ULK2: variants seen among roughly 807,000 people sequenced by gnomAD.
ULK2 encodes the protein unc-51 like autophagy activating kinase 2.
ULK2 carries 76 observed loss-of-function variants against 127.5 expected under a neutral mutation model. The observed-to-expected ratio is 0.60, with a 90% CI of 0.50 to 0.72. The LOEUF (loss-of-function observed/expected upper bound fraction) is 0.72, where lower values mean the gene tolerates loss of function less well. ULK2 is among the 30% of genes least tolerant of loss of function. The pLI is 0.00. For missense variants in ULK2, 1,144 were observed against 1,295.9 expected (o/e 0.88, Z 1.80); for synonymous variants, 452 against 461.9 (o/e 0.98, Z 0.28).
At position 19,775,724 on chromosome 17, in the gene ULK2, A is replaced by T. The variant is rs956699644; in HGVS notation, c.*625T>A. On this transcript the variant is annotated 3_prime_UTR_variant, in exon 27 of 27. Coordinates refer to ENST00000395544, the MANE Select transcript of ULK2 (RefSeq NM_014683.4). ...CATTGTGCCTTAGTTAAATTACAAA[A>T]TCCAATACACAGTTGTTTTAATAAA... 1 of 152,662 alleles carries T rather than the reference A, an allele frequency of 6.6e-6. No homozygotes were observed. The highest frequency in any genetic ancestry group is 1.5e-5 in the Non-Finnish European group (1 of 68,042). 9.5% of individuals were successfully genotyped at this position (152,662 alleles called of 1,614,324 possible).
intron 10 of ULK2, among the ~76,000 whole-genome samples, chr17:19,828,051 A>C (rs751464042): frequency 1.3e-5 from 2 of 152,232 alleles, no homozygotes; most frequent in African/African-American, 4.8e-5. Flanking sequence ...GGGATCCTTA[A>C]TAAGAATATC....
Position 19,846,113 on chromosome 17 carries a change from G to A in ULK2, c.469+624C>T, listed in dbSNP as rs146121705. ...AGCACTCCAGCCTGGGTGACAGAGC[G>A]AGACTCCATCTCAGACAAACAAACA... On this transcript the variant is annotated intron_variant, in intron 6 of 26. Coordinates refer to ENST00000395544, the MANE Select transcript of ULK2 (RefSeq NM_014683.4). Among the ~76,000 whole-genome samples, 735 of 152,244 alleles carry A rather than the reference G, an allele frequency of 4.8e-3. 25 individuals are homozygous for A. The East Asian group carries it at 0.088, about 18-fold the overall frequency.
intron 12 of ULK2, among the ~76,000 whole-genome samples, chr17:19,818,215 C>CG (rs1257656430): frequency 2.0e-5 from 3 of 150,688 alleles, no homozygotes; most frequent in Admixed American, 1.3e-4. Context: ...CCCAGCTACT[C>CG]GGGGGGTTGA....
At chr17:19,791,224 T>C (rs1490218708) in intron 20 of ULK2, among the ~76,000 whole-genome samples, 1 of 152,242 alleles carries the variant, frequency 6.6e-6, no homozygotes, top group Non-Finnish European at 1.5e-5. Context: ...CATTCTCATA[T>C]GTTATGTCAC....
intron 10 of ULK2, among the ~76,000 whole-genome samples, chr17:19,837,999 T>C (rs2041638746): frequency 6.6e-6 from 1 of 152,202 alleles, no homozygotes; most frequent in South Asian, 2.1e-4. Context: ...GGCCTTCTAG[T>C]TGTTCCTCAA....
At chr17:19,844,139 T>G (rs2041827400) in intron 7 of ULK2, among the ~76,000 whole-genome samples, 1 of 152,208 alleles carries the variant, frequency 6.6e-6, no homozygotes, top group South Asian at 2.1e-4. Context: ...AAAATTGTCC[T>G]AAAAGCAAAA....
intron 20 of ULK2, among the ~76,000 whole-genome samples, chr17:19,788,009 G>A (rs889986341): frequency 6.6e-6 from 1 of 152,190 alleles, no homozygotes; most frequent in Non-Finnish European, 1.5e-5. Flanking sequence ...GTCCGCCCAC[G>A]GAGGGAGCAT....
intron 5 of ULK2, 128 bp from the exon 6 acceptor site, chr17:19,847,038 T>C (rs281350): frequency 0.047 from 40,719 of 858,324 alleles, 1,766 homozygotes; most frequent in East Asian, 0.18. Flanking sequence ...CACATTTATT[T>C]ATTTTTTTAA....
At chr17:19,799,160 CAAAA>C (rs899604997) in intron 17 of ULK2, among the ~76,000 whole-genome samples, 2 of 68,624 alleles carry the variant, frequency 2.9e-5, no homozygotes, top group African/African-American at 5.4e-5. Context: ...GACTCCATTT[CAAAA>C]AAAAAAAAAA....
intron 6 of ULK2, among the ~76,000 whole-genome samples, chr17:19,845,989 A>G (rs958743881): frequency 1.3e-5 from 2 of 151,974 alleles, no homozygotes; most frequent in Non-Finnish European, 2.9e-5. Context: ...GTGGTGGCAC[A>G]TGCCAGCTAC....
chr17:19,790,945 G>A (rs1459291513), intron 20 of ULK2, among the ~76,000 whole-genome samples: 3 of 152,114 alleles, frequency 2.0e-5, no homozygotes, highest in Non-Finnish European at 4.4e-5. Flanking sequence ...GGGTCAATTC[G>A]GCAAGAGGAT....
In ULK2 at chr17:19,781,082, A is replaced by G. The variant is rs139410624; in HGVS notation, c.2662T>C (p.Tyr888His). The G allele has an allele frequency of 8.9e-5, 144 of 1,613,530 alleles. No homozygotes were observed. The highest frequency in any genetic ancestry group is 8.3e-4 in the Middle Eastern group (5 of 6,040). ...GCAAGCAGCTGTGCTGCTTTCATGTACAACACCAGCTGCTCCACCCGCCTG... is the reference window on the plus strand; with the variant it reads ...GCAAGCAGCTGTGCTGCTTTCATGTGCAACACCAGCTGCTCCACCCGCCTG... ...DWGRVEQLVL[Y>H]MKAAQLLAAS... The change falls in exon 24 of 27, where the codon TAC becomes CAC. Residue 888 changes from tyrosine (Y) to histidine (H), a missense_variant. Around this residue, in one of 2 missense-constraint regions of ULK2, gnomAD observed 913 missense variants for 970.5 expected, o/e 0.94. Transcript: ENST00000395544.
intron 12 of ULK2, among the ~76,000 whole-genome samples, chr17:19,819,797 T>C (rs2041090672): frequency 6.6e-6 from 1 of 152,196 alleles, no homozygotes; most frequent in Non-Finnish European, 1.5e-5. Flanking sequence ...TTCTCTTACC[T>C]GGCTCTTCTC....
chr17:19,840,875 C>A (rs188708024), intron 9 of ULK2, among the ~76,000 whole-genome samples: 1 of 151,648 alleles, frequency 6.6e-6, no homozygotes, highest in Admixed American at 6.6e-5. Context: ...GGTGACAGAG[C>A]AAGACTCTGT....
At chr17:19,784,106 TTA>T (rs1175980673) in intron 21 of ULK2, 4 of 413,964 alleles carry the variant, frequency 9.7e-6, no homozygotes, top group Non-Finnish European at 4.1e-6. Flanking sequence ...TCTATATATT[TTA>T]TATTAGACAT....
At chr17:19,812,858 AG>A (rs1567695482) in intron 13 of ULK2, among the ~76,000 whole-genome samples, 1 of 152,228 alleles carries the variant, frequency 6.6e-6, no homozygotes. Flanking sequence ...AGAAGCAGTT[AG>A]AATTTTATAT....
chr17:19,828,999 CAG>C (rs1448927145), intron 10 of ULK2, among the ~76,000 whole-genome samples: 1 of 152,100 alleles, frequency 6.6e-6, no homozygotes, highest in Non-Finnish European at 1.5e-5. Context: ...ACTCGGGACA[CAG>C]AGGTTGCAGT....
chr17:19,849,623 C>T (rs1232419608), intron 4 of ULK2, 119 bp downstream of exon 4: 1 of 835,078 alleles, frequency 1.2e-6, no homozygotes, highest in Non-Finnish European at 1.8e-6. Flanking sequence ...TAATCTACTA[C>T]CAATTTTAAA....
rs2086787204 is a variant in ULK2, at chr17:19,774,808, T to C, written c.*1541A>G. On this transcript the variant is annotated 3_prime_UTR_variant, in exon 27 of 27. Coordinates refer to ENST00000395544, the MANE Select transcript of ULK2 (RefSeq NM_014683.4). ...TGTACAGGCAATAATAAAAAGGCTA[T>C]TACACAACAATTCAGTGAGTTTTAC... The C allele has an allele frequency of 6.6e-6, 1 of 152,632 alleles. No homozygotes were observed. The highest frequency in any genetic ancestry group is 6.5e-5 in the Admixed American group (1 of 15,270). The allele number at this position is 152,632 out of a possible 1,614,324, so 9.5% of individuals were successfully genotyped here.
Sources: allele counts gnomAD v4.1 joint callset (sites outside exome capture counted in the v4.1 genomes callset), GRCh38; gene constraint gnomAD v4.1.1; regional missense constraint gnomAD v4.1.1; transcripts MANE v1.5; gene names NCBI Gene and HGNC (gene_info 2026-07-23, HGNC 2026-07-21).